The following SPAG17 variants were observed in gnomAD, a reference collection of about 807,000 sequenced individuals.
SPAG17 encodes the protein sperm-associated antigen 17.
SPAG17 carries 169 observed loss-of-function variants against 273.6 expected under a neutral mutation model. That is an observed-to-expected ratio of 0.62 (90% CI 0.55 to 0.70). The LOEUF is 0.70. SPAG17 is among the 30% of genes least tolerant of loss of function. The pLI, the probability that SPAG17 is intolerant of heterozygous loss-of-function variation, is 0.00. For synonymous variants in SPAG17, 825 were observed against 873.2 expected (o/e 0.94, Z 0.97); for missense variants, 2,557 against 2,627.8 (o/e 0.97, Z 0.59).
chr1:118,082,438 C>T (rs1654658822), intron 13 of SPAG17, among the ~76,000 whole-genome samples: 1 of 152,134 alleles, frequency 6.6e-6, no homozygotes, highest in Non-Finnish European at 1.5e-5. Context: ...AGAAAAGCAG[C>T]AGGTCCTTTG....
At chr1:118,094,246 T>C (rs985363816) in intron 7 of SPAG17, among the ~76,000 whole-genome samples, 1 of 152,216 alleles carries the variant, frequency 6.6e-6, no homozygotes, top group Non-Finnish European at 1.5e-5. Flanking sequence ...GTTTTTGTTT[T>C]TGTTTTTATT....
At chr1:118,131,815 T>G (rs1406344657) in intron 3 of SPAG17, among the ~76,000 whole-genome samples, 1 of 152,204 alleles carries the variant, frequency 6.6e-6, no homozygotes, top group East Asian at 1.9e-4. Flanking sequence ...GGATTTTCTA[T>G]AGCTGGACTC....
intron 48 of SPAG17, among the ~76,000 whole-genome samples, chr1:117,958,748 G>A (rs1245446457): frequency 6.7e-6 from 1 of 148,444 alleles, no homozygotes; most frequent in Non-Finnish European, 1.5e-5. Context: ...CTGAATAGTA[G>A]AGAAAGAAAC....
intron 3 of SPAG17, among the ~76,000 whole-genome samples, chr1:118,130,519 G>A (rs903659596): frequency 2.6e-5 from 4 of 152,136 alleles, no homozygotes; most frequent in African/African-American, 4.8e-5. Context: ...TGGCACCCAG[G>A]ACAGCTGGCC....
At position 118,185,106 on chromosome 1, in the gene SPAG17, A is replaced by C. The variant is rs753173178; in HGVS notation, c.52T>G (p.Trp18Gly). Residue 18 changes from tryptophan (W) to glycine (G), a missense_variant, in exon 1 of 49, where the codon TGG becomes GGG. By Grantham distance (184) the Trp-to-Gly change is radical. Transcript: ENST00000336338. ...TGTGCAGCTATGAGCGAGGGTTCCC[A>C]TATCTTAGAACTGGTGTTCACAGTT... ...GGTVNTSSKI[W>G]EPSLIAAQFN... is the part of the protein sequence containing the mutation. 5 of 1,614,192 alleles carry C rather than the reference A, an allele frequency of 3.1e-6. No homozygotes were observed. The Admixed American group carries it at 8.3e-5, about 27-fold the overall frequency.
intron 3 of SPAG17, among the ~76,000 whole-genome samples, chr1:118,130,494 A>G (rs1478324069): frequency 1.3e-5 from 2 of 152,196 alleles, no homozygotes; most frequent in African/African-American, 4.8e-5. Flanking sequence ...TCAGTGCTAA[A>G]ACTGGGATAG....
intron 3 of SPAG17, among the ~76,000 whole-genome samples, chr1:118,127,289 TTGAC>T (rs1657789024): frequency 6.6e-6 from 1 of 152,202 alleles, no homozygotes; most frequent in African/African-American, 2.4e-5. Context: ...AGAGGTTTAA[TTGAC>T]TGACAGTTCT....
chr1:118,144,572 T>A (rs1470237173), intron 3 of SPAG17, among the ~76,000 whole-genome samples: 1 of 152,206 alleles, frequency 6.6e-6, no homozygotes. Flanking sequence ...TTTATAAATA[T>A]CAGGTTGTAT....
chr1:118,057,453 A>G (rs1247430149), intron 18 of SPAG17, among the ~76,000 whole-genome samples: 1 of 152,182 alleles, frequency 6.6e-6, no homozygotes, highest in Middle Eastern at 3.2e-3. Flanking sequence ...ATGAGTCTGC[A>G]TGTCAAATAA....
chr1:118,124,089 G>A (rs560093494), intron 3 of SPAG17, among the ~76,000 whole-genome samples: 35 of 152,320 alleles, frequency 2.3e-4, no homozygotes, highest in African/African-American at 7.7e-4. Flanking sequence ...CTTGCAAAAT[G>A]TATAAAGGCA....
Position 118,012,259 on chromosome 1 carries a change from A to C in SPAG17, c.4401T>G (p.Asp1467Glu). The change falls in exon 30 of 49, where the codon GAT becomes GAG. Residue 1467 changes from aspartate (D) to glutamate (E), a missense_variant. By Grantham distance (45) the Asp-to-Glu change is conservative (BLOSUM62 2). Transcript: ENST00000336338. ...RITTFYQVYE[D>E]QIILPDDQET... ...CTTGATCATCTGGCAGAATAATTTG[A>C]TCTTCATAAACTTGATAAAAGGTTG... 6.2e-7 allele frequency: 1 copy of C among 1,613,550 alleles called. No homozygotes were observed. The highest frequency in any genetic ancestry group is 8.5e-7 in the Non-Finnish European group (1 of 1,179,668).
intron 23 of SPAG17, among the ~76,000 whole-genome samples, chr1:118,038,198 G>A (rs1649312790): frequency 6.6e-6 from 1 of 152,130 alleles, no homozygotes; most frequent in Non-Finnish European, 1.5e-5. Flanking sequence ...AATATTATTT[G>A]TTATCCAGAA....
At chr1:118,084,040 T>C (rs1470267971) in intron 13 of SPAG17, among the ~76,000 whole-genome samples, 1 of 152,030 alleles carries the variant, frequency 6.6e-6, no homozygotes. Flanking sequence ...GGAACAAAAA[T>C]GCTGTGCTGC....
chr1:118,173,095 C>T (rs918587164), intron 1 of SPAG17, among the ~76,000 whole-genome samples: 1 of 151,448 alleles, frequency 6.6e-6, no homozygotes, highest in Non-Finnish European at 1.5e-5. Context: ...AGCAAGATGG[C>T]AGGCTAGAAA....
At chr1:117,999,669 G>A (rs1658052648) in intron 32 of SPAG17, among the ~76,000 whole-genome samples, 1 of 151,790 alleles carries the variant, frequency 6.6e-6, no homozygotes. Flanking sequence ...CTTTTTGATG[G>A]GGTTGTTTTT....
chr1:118,074,143 CT>C (rs958086855), intron 16 of SPAG17, among the ~76,000 whole-genome samples, 176 bp from the exon 17 acceptor site: 26 of 147,880 alleles, frequency 1.8e-4, no homozygotes, highest in Middle Eastern at 3.5e-3. Context: ...ATGCCTTTGA[CT>C]TTTTTTTTTA....
intron 3 of SPAG17, among the ~76,000 whole-genome samples, chr1:118,119,002 CCTT>C (rs1026220861): frequency 2.6e-5 from 4 of 152,202 alleles, no homozygotes; most frequent in African/African-American, 9.6e-5. Flanking sequence ...TGTCCTCTCT[CCTT>C]CTAAGCATTC....
chr1:117,978,219 G>A (rs1655345013), intron 43 of SPAG17, among the ~76,000 whole-genome samples: 1 of 152,140 alleles, frequency 6.6e-6, no homozygotes, highest in African/African-American at 2.4e-5. Context: ...TAGATCTGAT[G>A]CTCTATCATT....
intron 20 of SPAG17, among the ~76,000 whole-genome samples, chr1:118,051,806 A>G (rs1341929571): frequency 7.1e-6 from 1 of 141,820 alleles, no homozygotes; most frequent in African/African-American, 2.6e-5. Flanking sequence ...TATATAATAT[A>G]TACTATTATA....
Sources: allele counts gnomAD v4.1 joint callset (sites outside exome capture counted in the v4.1 genomes callset), GRCh38; gene constraint gnomAD v4.1.1; transcripts MANE v1.5; gene names NCBI Gene and HGNC (gene_info 2026-07-23, HGNC 2026-07-21).